IGF1R: variants seen among roughly 807,000 people sequenced by gnomAD.
IGF1R encodes insulin-like growth factor 1 receptor.
Under a neutral mutation model 144.6 loss-of-function variants are expected in IGF1R, and 44 were observed. The ratio of observed to expected loss-of-function variants is 0.30; its 90% CI spans 0.24 to 0.39. The LOEUF (loss-of-function observed/expected upper bound fraction) is 0.39, where lower values mean the gene tolerates loss of function less well. Ranked by LOEUF, IGF1R falls within the 10% of genes least tolerant of loss-of-function variation. IGF1R has a pLI of 1.00. For synonymous variants in IGF1R, 795 were observed against 722.8 expected (o/e 1.10, Z -1.60); for missense variants, 1,355 against 1,833.7 (o/e 0.74, Z 4.77).
At chr15:98,765,499 G>T (rs1362249452) in intron 2 of IGF1R, among the ~76,000 whole-genome samples, 1 of 150,478 alleles carries the variant, frequency 6.6e-6, no homozygotes, top group Non-Finnish European at 1.5e-5. Flanking sequence ...TCTCTTTTTT[G>T]TTTTTGTAGA....
chr15:98,857,487 G>A (rs2011891285), intron 2 of IGF1R, among the ~76,000 whole-genome samples: 1 of 152,198 alleles, frequency 6.6e-6, no homozygotes, highest in East Asian at 1.9e-4. Context: ...CCAAAGTGCT[G>A]GGATTACAGG....
chr15:98,788,265 G>A (rs2056053066), intron 2 of IGF1R, among the ~76,000 whole-genome samples: 1 of 152,110 alleles, frequency 6.6e-6, no homozygotes, highest in Non-Finnish European at 1.5e-5. Flanking sequence ...CGAGTGCTGT[G>A]GTTTCTGTAG....
Position 98,916,148 on chromosome 15 carries a change from G to A in IGF1R, c.1996+17G>A, listed in dbSNP as rs781343959. On this transcript the variant is annotated intron_variant, in intron 9 of 20. Coordinates refer to ENST00000650285, the MANE Select transcript of IGF1R (RefSeq NM_000875.5). ...GCTCCAAAGGTAAGGGTGCAGCAGC[G>A]GCCTGGACGGAGGGTGTGACCGTTC... 5.5e-5 allele frequency: 88 copies of A among 1,613,656 alleles called. No homozygotes were observed. The highest frequency in any genetic ancestry group is 1.6e-4 in the Middle Eastern group (1 of 6,084).
intron 1 of IGF1R, among the ~76,000 whole-genome samples, chr15:98,706,728 T>A (rs2053871727): frequency 6.6e-6 from 1 of 152,208 alleles, no homozygotes; most frequent in Admixed American, 6.5e-5. Context: ...CATTTTTGTC[T>A]GATTTCACTT....
chr15:98,951,994 T>A (rs2016793727), intron 20 of IGF1R, among the ~76,000 whole-genome samples: 1 of 152,224 alleles, frequency 6.6e-6, no homozygotes, highest in South Asian at 2.1e-4. Flanking sequence ...AATATTCTTA[T>A]TTTGAATTTC....
chr15:98,692,907 G>A (rs2053511397), intron 1 of IGF1R, among the ~76,000 whole-genome samples: 1 of 152,174 alleles, frequency 6.6e-6, no homozygotes, highest in South Asian at 2.1e-4. Context: ...GTAAGCCTGG[G>A]TGGGGGAGGT....
At chr15:98,840,648 G>C (rs1042731374) in intron 2 of IGF1R, among the ~76,000 whole-genome samples, 1 of 150,438 alleles carries the variant, frequency 6.6e-6, no homozygotes, top group Admixed American at 6.6e-5. Flanking sequence ...TCATTTTGTT[G>C]TCCAGGCGGG....
intron 2 of IGF1R, among the ~76,000 whole-genome samples, chr15:98,850,883 A>G (rs1397990573): frequency 1.5e-5 from 2 of 130,338 alleles, no homozygotes; most frequent in African/African-American, 3.4e-5. Context: ...GATTGAGTGC[A>G]TATTGTGGAC....
intron 4 of IGF1R, among the ~76,000 whole-genome samples, chr15:98,899,226 G>T (rs2014349798): frequency 6.6e-6 from 1 of 152,194 alleles, no homozygotes; most frequent in Admixed American, 6.5e-5. Flanking sequence ...TTGTTAATCA[G>T]CTTGGGAGCT....
chr15:98,765,270 GTA>G (rs2055406742), intron 2 of IGF1R, among the ~76,000 whole-genome samples: 1 of 136,504 alleles, frequency 7.3e-6, no homozygotes, highest in East Asian at 2.4e-4. Flanking sequence ...TAAACTTAAT[GTA>G]TATCTCTCTC....
chr15:98,793,744 T>C lies in IGF1R; in HGVS notation c.640+85637T>C, dbSNP rs2056177939. On this transcript the variant is annotated intron_variant, in intron 2 of 20. Transcript: ENST00000650285. ...ATCCCTTTCACTGTTTTGACATGAA[T>C]CTATAATTTATACCCAGAGGTCTGC... Among the ~76,000 whole-genome samples, 3 of 152,202 alleles carry C rather than the reference T, an allele frequency of 2.0e-5. No homozygotes were observed. The South Asian group carries it at 6.2e-4, about 31-fold the overall frequency.
At chr15:98,878,295 A>G (rs1436083683) in intron 2 of IGF1R, among the ~76,000 whole-genome samples, 1 of 152,230 alleles carries the variant, frequency 6.6e-6, no homozygotes, top group Non-Finnish European at 1.5e-5. Context: ...GGAGCCCACA[A>G]TACCTCACAT....
chr15:98,693,559 C>G (rs1055199948), intron 1 of IGF1R, among the ~76,000 whole-genome samples: 2 of 152,128 alleles, frequency 1.3e-5, no homozygotes, highest in African/African-American at 2.4e-5. Context: ...CCTTTTGGGT[C>G]GTCTCCACCT....
intron 2 of IGF1R, among the ~76,000 whole-genome samples, chr15:98,874,767 G>A (rs550746407): frequency 8.5e-4 from 129 of 152,346 alleles, no homozygotes; most frequent in Middle Eastern, 3.4e-3. Flanking sequence ...CTCCAGCTCT[G>A]CAGTGAAGCA....
chr15:98,735,489 A>G (rs1179560279), intron 2 of IGF1R, among the ~76,000 whole-genome samples: 6 of 152,214 alleles, frequency 3.9e-5, no homozygotes, highest in Non-Finnish European at 8.8e-5. Context: ...GACCTGTTTC[A>G]AGAGGTCTCT....
intron 2 of IGF1R, among the ~76,000 whole-genome samples, chr15:98,799,830 C>G (rs2056324347): frequency 6.6e-6 from 1 of 152,090 alleles, no homozygotes; most frequent in African/African-American, 2.4e-5. Context: ...GGTTTCGAAG[C>G]CTTGTGTTTT....
chr15:98,828,347 C>T (rs1237808541), intron 2 of IGF1R, among the ~76,000 whole-genome samples: 1 of 152,136 alleles, frequency 6.6e-6, no homozygotes, highest in Non-Finnish European at 1.5e-5. Flanking sequence ...TGCAAGCCCT[C>T]TGCCTGCTCG....
At position 98,708,118 on chromosome 15, in the gene IGF1R, T is replaced by C; in HGVS notation, c.640+11T>C. The C allele has an allele frequency of 2.5e-6, 4 of 1,605,964 alleles. No individual in the cohort carries two copies. The highest frequency in any genetic ancestry group is 3.4e-6 in the Non-Finnish European group (4 of 1,174,078). On this transcript the variant is annotated intron_variant, in intron 2 of 20. Transcript: ENST00000650285. Reference sequence around the variant, plus strand: ...ACCGCTGCCAGAAAAGTAAGAATGATGCTGACTGCTGCTTTCTCTCTGCCT... The same window carrying C: ...ACCGCTGCCAGAAAAGTAAGAATGACGCTGACTGCTGCTTTCTCTCTGCCT...
At chr15:98,651,117 C>T (rs927866182) in intron 1 of IGF1R, 20 of 962,014 alleles carry the variant, frequency 2.1e-5, no homozygotes, top group Middle Eastern at 5.3e-4. Flanking sequence ...CAGGTGGTGC[C>T]GATTAACTTT....
Sources: gnomAD v4.1 joint callset for allele counts (sites outside exome capture counted in the v4.1 genomes callset) on GRCh38, gnomAD v4.1.1 for gene constraint, MANE v1.5 for transcripts, NCBI Gene and HGNC (gene_info 2026-07-23, HGNC 2026-07-21) for gene names.